The following PRKG1 variants were observed in gnomAD, a reference collection of about 807,000 sequenced individuals.
The protein encoded by PRKG1 is protein kinase cGMP-dependent 1.
PRKG1 carries 35 observed loss-of-function variants against 88.1 expected under a neutral mutation model. That is an observed-to-expected ratio of 0.40 (90% CI 0.30 to 0.53). The LOEUF (loss-of-function observed/expected upper bound fraction) is 0.53. PRKG1 is among the 20% of genes least tolerant of loss of function. The pLI is 0.59. For missense variants in PRKG1, 540 were observed against 839.8 expected (o/e 0.64, Z 4.41); for synonymous variants, 303 against 292.5 (o/e 1.04, Z -0.37).
intron 2 of PRKG1, among the ~76,000 whole-genome samples, chr10:51,334,152 T>TTCTCTCTCTCTCTCTCTCTCTCTCTCTC (rs10568175): frequency 2.2e-5 from 3 of 137,134 alleles, no homozygotes; most frequent in South Asian, 2.4e-4. Flanking sequence ...CTCTCTCTCT[T>TTCTCTCTCTCTCTCTCTCTCTCTCTCTC]TCTCTCTCTC....
chr10:51,335,489 T>C lies in PRKG1; in HGVS notation c.479-132234T>C, dbSNP rs76549605. 8.4e-3 allele frequency among the ~76,000 whole-genome samples: 1,280 copies of C among 152,290 alleles called. 17 individuals carry two copies. The highest frequency in any genetic ancestry group is 0.03 in the African/African-American group (1,227 of 41,562). ...AAGCTAGTCATTATCTTCTTCTATA[T>C]CAGAATTTAATATAATTTAGGTACA... On this transcript the variant is annotated intron_variant, in intron 2 of 17. Transcript: ENST00000373980.
chr10:51,274,490 C>T (rs1769909895), intron 2 of PRKG1, among the ~76,000 whole-genome samples: 1 of 152,200 alleles, frequency 6.6e-6, no homozygotes, highest in Non-Finnish European at 1.5e-5. Context: ...CCTAGTCATT[C>T]TCTCTGAGCC....
chr10:51,117,021 A>G (rs568063681), intron 1 of PRKG1, among the ~76,000 whole-genome samples: 1 of 152,296 alleles, frequency 6.6e-6, no homozygotes, highest in East Asian at 1.9e-4. Context: ...CGTACTTGAA[A>G]TGTGACATTT....
chr10:51,380,874 G>A (rs1479839631), intron 2 of PRKG1, among the ~76,000 whole-genome samples: 1 of 152,024 alleles, frequency 6.6e-6, no homozygotes, highest in African/African-American at 2.4e-5. Flanking sequence ...CATAGTACTC[G>A]ACCAATGAGG....
At chr10:51,910,266 G>C (rs995725565) in intron 5 of PRKG1, 1 of 152,122 alleles carries the variant, frequency 6.6e-6, no homozygotes, top group African/African-American at 2.4e-5. Flanking sequence ...TACTCTAGGA[G>C]GGAGGCAGTT....
Position 52,297,030 on chromosome 10 carries a change from T to G in PRKG1, c.*3130T>G, listed in dbSNP as rs1234853283. 1 of 152,124 alleles carries G rather than the reference T, an allele frequency of 6.6e-6. No individual in the cohort carries two copies. Among genetic ancestry groups the G allele is most frequent in the Non-Finnish European group, 1.5e-5 (1 of 68,000 alleles). 9.4% of individuals were successfully genotyped at this position (152,124 alleles called of 1,614,324 possible). On this transcript the variant is annotated 3_prime_UTR_variant, in exon 18 of 18. Transcript: ENST00000373980. ...AAATTTAATGAAGTCAGCTACCATG[T>G]TGAAAATAAGGATATTAGAACTGAT...
chr10:52,142,836 A>G (rs1379908587), intron 8 of PRKG1, among the ~76,000 whole-genome samples: 2 of 152,118 alleles, frequency 1.3e-5, no homozygotes, highest in South Asian at 4.1e-4. Flanking sequence ...TACATTTACA[A>G]CACTCGTTTA....
chr10:51,483,789 G>A (rs74132508), intron 3 of PRKG1, among the ~76,000 whole-genome samples: 1 of 152,096 alleles, frequency 6.6e-6, no homozygotes, highest in African/African-American at 2.4e-5. Context: ...ATTTCATAAG[G>A]CTTTATCATA....
At chr10:51,008,166 T>A (rs936985957) in intron 1 of PRKG1, among the ~76,000 whole-genome samples, 7 of 152,194 alleles carry the variant, frequency 4.6e-5, no homozygotes, top group Non-Finnish European at 8.8e-5. Context: ...CGTATAAACA[T>A]CTCTTGGGTT....
chr10:51,252,083 G>A (rs761047000), intron 2 of PRKG1, among the ~76,000 whole-genome samples: 1 of 151,746 alleles, frequency 6.6e-6, no homozygotes, highest in South Asian at 2.1e-4. Context: ...ATGCATGAGT[G>A]TCTTCTCTTT....
chr10:51,654,721 A>T (rs897671233), intron 3 of PRKG1, among the ~76,000 whole-genome samples: 2 of 152,152 alleles, frequency 1.3e-5, no homozygotes, highest in Non-Finnish European at 2.9e-5. Context: ...TTATATTTTT[A>T]AAAGTTAATA....
At chr10:51,353,114 C>A (rs1357598449) in intron 2 of PRKG1, among the ~76,000 whole-genome samples, 2 of 152,024 alleles carry the variant, frequency 1.3e-5, no homozygotes, top group African/African-American at 4.8e-5. Context: ...GATGCTTAAT[C>A]CCTCTCTCTC....
At chr10:51,954,868 A>G (rs556066333) in intron 5 of PRKG1, among the ~76,000 whole-genome samples, 1 of 152,284 alleles carries the variant, frequency 6.6e-6, no homozygotes, top group South Asian at 2.1e-4. Flanking sequence ...AGAATAGTGT[A>G]ATCACCTCCC....
intron 2 of PRKG1, among the ~76,000 whole-genome samples, chr10:51,407,941 T>C (rs1837967574): frequency 6.6e-6 from 1 of 152,176 alleles, no homozygotes; most frequent in Admixed American, 6.5e-5. Flanking sequence ...CTGGCGGCAA[T>C]CTTAACTTTC....
chr10:52,166,791 A>ATATATATATATATATGTG (rs748533502), intron 9 of PRKG1, among the ~76,000 whole-genome samples: 3 of 36,874 alleles, frequency 8.1e-5, no homozygotes, highest in Admixed American at 7.5e-4. Context: ...AAAAGCCTAT[A>ATATATATATATATATGTG]TATATACATA....
intron 2 of PRKG1, among the ~76,000 whole-genome samples, chr10:51,243,127 G>T (rs942947434): frequency 1.1e-4 from 16 of 152,090 alleles, no homozygotes; most frequent in African/African-American, 3.9e-4. Flanking sequence ...TTTGGTGGGG[G>T]ATTGTAAGCC....
intron 9 of PRKG1, among the ~76,000 whole-genome samples, chr10:52,226,451 C>T (rs1274777894): frequency 6.6e-6 from 1 of 152,186 alleles, no homozygotes; most frequent in Non-Finnish European, 1.5e-5. Context: ...TTGCTGTCAC[C>T]TTTAGCCACT....
intron 3 of PRKG1, among the ~76,000 whole-genome samples, chr10:51,498,171 G>A (rs559065050): frequency 6.6e-6 from 1 of 152,238 alleles, no homozygotes; most frequent in South Asian, 2.1e-4. Flanking sequence ...AGATGATTAA[G>A]GATATGTGAA....
intron 13 of PRKG1, among the ~76,000 whole-genome samples, chr10:52,281,716 C>CT: frequency 6.6e-6 from 1 of 152,130 alleles, no homozygotes; most frequent in Non-Finnish European, 1.5e-5. Flanking sequence ...CATAAAATAG[C>CT]TTTTCAAATA....
Sources: gnomAD v4.1 joint callset for allele counts (sites outside exome capture counted in the v4.1 genomes callset) on GRCh38, gnomAD v4.1.1 for gene constraint, MANE v1.5 for transcripts, NCBI Gene and HGNC (gene_info 2026-07-23, HGNC 2026-07-21) for gene names.